Variants in GPR137B observed in about 807,000 individuals in gnomAD.
GPR137B encodes the protein integral membrane protein GPR137B.
A neutral mutation model predicts 42.5 loss-of-function variants in GPR137B; 42 were observed. That is an observed-to-expected ratio of 0.99 (90% CI 0.77 to 1.28). The LOEUF is 1.28. Ranked by LOEUF, GPR137B falls within the 50% of genes most tolerant of loss-of-function variation. GPR137B has a pLI of 0.00. For missense variants in GPR137B, 487 were observed against 493.9 expected, an observed-to-expected ratio of 0.99 and a Z score of 0.13; for synonymous variants, 218 against 209.7, an observed-to-expected ratio of 1.04 and a Z score of -0.34.
chr1:236,165,530 G>A (rs1160210664), intron 1 of GPR137B, among the ~76,000 whole-genome samples: 2 of 152,194 alleles, frequency 1.3e-5, no homozygotes, highest in African/African-American at 2.4e-5. Context: ...TGTTCATGGG[G>A]TAAGGGCTGG....
chr1:236,181,582 A>ATAGTGCTCAAACCCT (rs1475673723), intron 4 of GPR137B, among the ~76,000 whole-genome samples: 1 of 152,224 alleles, frequency 6.6e-6, no homozygotes, highest in Non-Finnish European at 1.5e-5. Flanking sequence ...TAACATCTCA[A>ATAGTGCTCAAACCCT]TAGTGCTCAA....
chr1:236,172,115 CA>C, intron 2 of GPR137B, among the ~76,000 whole-genome samples: 1 of 151,680 alleles, frequency 6.6e-6, no homozygotes, highest in Middle Eastern at 3.5e-3. Context: ...GGTGAGGTTT[CA>C]ATGGGACATG....
chr1:236,205,189 C>T lies in GPR137B; in HGVS notation c.1030C>T (p.Arg344Ter), dbSNP rs191574434. 2.6e-5 allele frequency: 42 copies of T among 1,612,842 alleles called. No individual in the cohort carries two copies. In the East Asian group the frequency reaches 5.1e-4, roughly 20 times the overall value. The change falls in exon 6 of 7, where the codon CGA (arginine) becomes TGA (stop). Residue 344 changes from arginine (R) to a stop codon, truncating the protein, a stop_gained. Transcript: ENST00000366592. LOFTEE classifies it high-confidence loss of function. ...CAGATCTTATTTCTTTGACAACCCT[C>T]GAAGATATGACAGTGATGATGACCT... is the stretch of plus-strand genomic sequence containing the variant. ...SPRSYFFDNPRRYDSDDDLAW... is the reference protein window; with the variant it reads ...SPRSYFFDNP
Position 236,178,519 on chromosome 1 carries a change from C to A in GPR137B, c.570C>A (p.Ile190=). ...VKTGNWERKV[I]VSVRVAINDT... is the part of the protein sequence containing the mutation. Reference sequence around the variant, plus strand: ...CGGGAAATTGGGAGAGGAAGGTTATCGTCTCTGTGCGAGTGGCCATTAATG... The same window carrying A: ...CGGGAAATTGGGAGAGGAAGGTTATAGTCTCTGTGCGAGTGGCCATTAATG... The change falls in exon 3 of 7, where the codon ATC becomes ATA. Residue 190 remains isoleucine, a synonymous_variant. Coordinates refer to ENST00000366592, the MANE Select transcript of GPR137B (RefSeq NM_003272.4). The A allele has an allele frequency of 3.7e-6, 6 of 1,613,144 alleles. No individual in the cohort carries two copies. The highest frequency in any genetic ancestry group is 5.1e-6 in the Non-Finnish European group (6 of 1,179,342).
At chr1:236,149,085 C>T (rs973641958) in intron 1 of GPR137B, among the ~76,000 whole-genome samples, 1 of 152,208 alleles carries the variant, frequency 6.6e-6, no homozygotes. Context: ...AACCTAGGCT[C>T]TTGCTTCGAC....
At chr1:236,185,837 A>G (rs979567862) in intron 5 of GPR137B, among the ~76,000 whole-genome samples, 1 of 152,140 alleles carries the variant, frequency 6.6e-6, no homozygotes, top group Non-Finnish European at 1.5e-5. Context: ...GGATATTCAC[A>G]TATGTGCAAC....
At chr1:236,165,107 G>A (rs1662313098) in intron 1 of GPR137B, among the ~76,000 whole-genome samples, 1 of 152,188 alleles carries the variant, frequency 6.6e-6, no homozygotes, top group African/African-American at 2.4e-5. Context: ...GTTTCACCAT[G>A]TTGGCCAGGT....
intron 6 of GPR137B, among the ~76,000 whole-genome samples, chr1:236,206,185 C>T (rs967768009): frequency 2.8e-4 from 43 of 152,138 alleles, no homozygotes; most frequent in Non-Finnish European, 5.9e-4. Context: ...AAGAGATTCA[C>T]AAATATCAAC....
intron 3 of GPR137B, 149 bp downstream of exon 3, chr1:236,178,785 G>GTTTGTTTTTTTTTT (rs1662772132): frequency 2.1e-5 from 1 of 48,310 alleles, no homozygotes; most frequent in Non-Finnish European, 4.5e-5. Flanking sequence ...GCTACTCGAG[G>GTTTGTTTTTTTTTT]TTTTTTTTTT....
chr1:236,167,367 C>T (rs936344341), intron 1 of GPR137B, among the ~76,000 whole-genome samples: 2 of 152,202 alleles, frequency 1.3e-5, no homozygotes, highest in African/African-American at 4.8e-5. Flanking sequence ...AGGACTTACT[C>T]AACGTGGCTG....
intron 1 of GPR137B, among the ~76,000 whole-genome samples, chr1:236,159,674 A>G (rs777373221): frequency 5.9e-5 from 9 of 152,190 alleles, no homozygotes; most frequent in Non-Finnish European, 1.2e-4. Context: ...GTGGGAACAA[A>G]TCAGTGACGC....
At chr1:236,182,795 C>T (rs1476917233) in intron 4 of GPR137B, among the ~76,000 whole-genome samples, 1 of 151,916 alleles carries the variant, frequency 6.6e-6, no homozygotes, top group Non-Finnish European at 1.5e-5. Flanking sequence ...TAAAATATGA[C>T]AATCTTTAAA....
At chr1:236,199,724 T>C (rs1663440386) in intron 5 of GPR137B, among the ~76,000 whole-genome samples, 1 of 152,062 alleles carries the variant, frequency 6.6e-6, no homozygotes, top group African/African-American at 2.4e-5. Context: ...TTGTTTCTAA[T>C]TGAGCTTATT....
At chr1:236,157,291 C>T (rs573562869) in intron 1 of GPR137B, among the ~76,000 whole-genome samples, 9 of 151,120 alleles carry the variant, frequency 6.0e-5, no homozygotes, top group African/African-American at 2.0e-4. Context: ...GTGGCGCGAT[C>T]TCTGCTCACT....
At chr1:236,192,384 A>C (rs1446284964) in intron 5 of GPR137B, among the ~76,000 whole-genome samples, 2 of 151,848 alleles carry the variant, frequency 1.3e-5, no homozygotes, top group Admixed American at 6.6e-5. Context: ...GGGAAAAAAA[A>C]AAAAACAAAA....
At chr1:236,204,224 T>C (rs1205381136) in intron 5 of GPR137B, among the ~76,000 whole-genome samples, 4 of 152,244 alleles carry the variant, frequency 2.6e-5, no homozygotes, top group Non-Finnish European at 5.9e-5. Context: ...ATTTGTGCTA[T>C]GTTGAGCCAT....
Position 236,183,763 on chromosome 1 carries a change from G to T in GPR137B, c.838-15G>T, listed in dbSNP as rs539990213. Reference sequence around the variant, plus strand: ...TTCCCTTGGTCTGATGACTCTCCCTGTCTGTTTCTAACAGGCAGATTTGAA... The same window carrying T: ...TTCCCTTGGTCTGATGACTCTCCCTTTCTGTTTCTAACAGGCAGATTTGAA... On this transcript the variant is annotated splice_polypyrimidine_tract_variant and intron_variant, in intron 4 of 6. Coordinates refer to ENST00000366592, the MANE Select transcript of GPR137B (RefSeq NM_003272.4). 1.3e-5 allele frequency: 21 copies of T among 1,593,264 alleles called. No homozygotes were observed. Among genetic ancestry groups the T allele is most frequent in the Admixed American group, 3.4e-5 (2 of 58,966 alleles).
intron 1 of GPR137B, among the ~76,000 whole-genome samples, chr1:236,148,793 G>C (rs988183288): frequency 6.6e-6 from 1 of 152,068 alleles, no homozygotes; most frequent in African/African-American, 2.4e-5. Context: ...AGCTCATCAT[G>C]GGCACTAGGC....
chr1:236,157,579 G>A (rs1351633812), intron 1 of GPR137B, among the ~76,000 whole-genome samples: 1 of 152,158 alleles, frequency 6.6e-6, no homozygotes, highest in Non-Finnish European at 1.5e-5. Flanking sequence ...GCTACCGGTT[G>A]TGGCCTGTTA....
Sources: gnomAD v4.1 joint callset for allele counts (sites outside exome capture counted in the v4.1 genomes callset) on GRCh38, gnomAD v4.1.1 for gene constraint, MANE v1.5 for transcripts, NCBI Gene and HGNC (gene_info 2026-07-23, HGNC 2026-07-21) for gene names.